Variants in HAPLN3 observed in about 807,000 individuals in gnomAD.
HAPLN3 encodes the protein extracellular link domain containing, 1.
HAPLN3 carries 28 observed loss-of-function variants against 28.1 expected under a neutral mutation model. That is an observed-to-expected ratio of 1.00 (90% confidence interval 0.74 to 1.37). The LOEUF (loss-of-function observed/expected upper bound fraction) is 1.37. HAPLN3 is among the 40% of genes most tolerant of loss of function. The probability of loss-of-function intolerance (pLI) is 0.00; values close to 1 mark genes in which losing one functional copy is unlikely to be tolerated. For synonymous variants in HAPLN3, 211 were observed against 213.1 expected, an observed-to-expected ratio of 0.99 and a Z score of 0.09; for missense variants, 513 against 504.6, an observed-to-expected ratio of 1.02 and a Z score of -0.16.
rs1462554626 is a variant in HAPLN3 at position 88,879,298 on chromosome 15, G to A, written c.494-29C>T. ...CAGGGGAAGGAAAGAGGAGCTTAGG[G>A]GGTGGCCAGGGGCCCAGCTGGCTGG... On this transcript the variant is annotated intron_variant, in intron 3 of 4. Coordinates refer to ENST00000359595, the MANE Select transcript of HAPLN3 (RefSeq NM_178232.4). The surrounding 1 kb of genome is among the most constrained non-coding windows in gnomAD (Gnocchi z 5.0). The A allele has an allele frequency of 6.2e-7, 1 of 1,603,544 alleles. No individual in the cohort carries two copies. Among genetic ancestry groups the A allele is most frequent in the African/African-American group, 1.3e-5 (1 of 75,016 alleles).
At position 88,877,961 on chromosome 15, in the gene HAPLN3, C is replaced by A. The variant is rs374453947; in HGVS notation, c.*9G>T. On this transcript the variant is annotated 3_prime_UTR_variant, in exon 5 of 5. Transcript: ENST00000359595. The surrounding 1 kb of genome is among the most constrained non-coding windows in gnomAD (Gnocchi z 5.1). Reference sequence around the variant, plus strand: ...AGTGAGGGAATGCGGCAGGGGAGGGCCCCAGGTCCTAGTGCTGGCGGTAGC... The same window carrying A: ...AGTGAGGGAATGCGGCAGGGGAGGGACCCAGGTCCTAGTGCTGGCGGTAGC... The A allele has an allele frequency of 3.2e-6, 5 of 1,583,742 alleles. No individual in the cohort carries two copies. In the African/African-American group the frequency reaches 5.4e-5, roughly 17 times the overall value.
intron 1 of HAPLN3, chr15:88,893,198 C>T: frequency 1.5e-6 from 1 of 675,332 alleles, no homozygotes; most frequent in Non-Finnish European, 2.7e-6. Flanking sequence ...GGGTGGATCA[C>T]CTGAGGTCAG....
chr15:88,878,261 G>C lies in HAPLN3; in HGVS notation c.797-5C>G. ...GCTCCAGGTAGTACACCCGCCCTGG[G>C]GGAAAGGGGGCGTGAGTGCCGTACA... On this transcript the variant is annotated splice_region_variant and splice_polypyrimidine_tract_variant and intron_variant, in intron 4 of 4. Coordinates refer to ENST00000359595, the MANE Select transcript of HAPLN3 (RefSeq NM_178232.4). 1 of 1,607,890 alleles carries C rather than the reference G, an allele frequency of 6.2e-7. No homozygotes were observed. The highest frequency in any genetic ancestry group is 8.5e-7 in the Non-Finnish European group (1 of 1,176,438).
At chr15:88,894,376 G>C (rs1898098719) in intron 1 of HAPLN3, among the ~76,000 whole-genome samples, 1 of 152,076 alleles carries the variant, frequency 6.6e-6, no homozygotes, top group East Asian at 1.9e-4. Context: ...AGGGAGGGTA[G>C]GTGCCACCTC....
In HAPLN3 at chr15:88,881,559, T is replaced by C; in HGVS notation, c.291A>G (p.Pro97=). The C allele has an allele frequency of 6.2e-7, 1 of 1,614,074 alleles. No individual in the cohort carries two copies. The highest frequency in any genetic ancestry group is 1.1e-5 in the South Asian group (1 of 91,084). ...CGATGGCCACCAGCACGTCCTTCTC[T>C]GGGGCCCCGTTCTCCGACAGCTTCC... The part of the protein sequence containing the change: ...KWWKLSENGA[P]EKDVLVAIGL... Residue 97 remains proline, a synonymous_variant, in exon 3 of 5, where the codon CCA becomes CCG. Coordinates refer to ENST00000359595, the MANE Select transcript of HAPLN3 (RefSeq NM_178232.4). The surrounding 1 kb of genome is among the most constrained non-coding windows in gnomAD (Gnocchi z 6.0).
rs374585914 is a variant in HAPLN3, at chr15:88,877,719, G to A, written c.*251C>T. The A allele has an allele frequency of 6.2e-3, 2,911 of 472,208 alleles. 144 individuals are homozygous for A. The South Asian group carries it at 0.078, about 13-fold the overall frequency. The allele number at this position is 472,208 out of a possible 1,614,324, so 29.3% of individuals were successfully genotyped here. ...GAGGGAGACCAGCCTGGATGGCGGG[G>A]AACCCTCCAGAAGCCCACAAAACCG... On this transcript the variant is annotated 3_prime_UTR_variant, in exon 5 of 5. Coordinates refer to ENST00000359595, the MANE Select transcript of HAPLN3 (RefSeq NM_178232.4). This position sits in a 1 kb window ranked among gnomAD's most constrained non-coding sequence, Gnocchi z 5.1.
chr15:88,880,201 C>T lies in HAPLN3; in HGVS notation c.494-932G>A. ...CTGGTTCCACCCCAAATTCCTAGCC[C>T]TTGAAGCCCCGGGAATGGGGTGAGG... On this transcript the variant is annotated intron_variant, in intron 3 of 4. Coordinates refer to ENST00000359595, the MANE Select transcript of HAPLN3 (RefSeq NM_178232.4). This position sits in a 1 kb window ranked among gnomAD's most constrained non-coding sequence, Gnocchi z 6.0. 1 of 995,534 alleles carries T rather than the reference C, an allele frequency of 1.0e-6. No individual in the cohort carries two copies. The highest frequency in any genetic ancestry group is 1.2e-6 in the Non-Finnish European group (1 of 836,582). 61.7% of individuals were successfully genotyped at this position (995,534 alleles called of 1,614,324 possible). A position where few individuals can be genotyped will look rare whatever the true frequency, so the allele number is the denominator to read the frequency against.
At chr15:88,892,091 ATCAGTAACACC>A (rs1898026939) in intron 1 of HAPLN3, among the ~76,000 whole-genome samples, 1 of 152,222 alleles carries the variant, frequency 6.6e-6, no homozygotes, top group African/African-American at 2.4e-5. Flanking sequence ...ACTAAGTGAC[ATCAGTAACACC>A]TCTTTGTTGG....
rs1336393540 is a variant in HAPLN3, at chr15:88,895,263, C to G, written c.-48+196G>C. Among the ~76,000 whole-genome samples the G allele has an allele frequency of 6.6e-6, 1 of 152,198 alleles. No homozygotes were observed. The highest frequency in any genetic ancestry group is 1.5e-5 in the Non-Finnish European group (1 of 68,040). ...GCATCCCCGCGCCGCTCCCTCCCCACTTGTGCCCCGGGCGCCCCTCGCCCG... is the reference window on the plus strand; with the variant it reads ...GCATCCCCGCGCCGCTCCCTCCCCAGTTGTGCCCCGGGCGCCCCTCGCCCG... On this transcript the variant is annotated intron_variant, in intron 1 of 4. Coordinates refer to ENST00000359595, the MANE Select transcript of HAPLN3 (RefSeq NM_178232.4). The surrounding 1 kb of genome is among the most constrained non-coding windows in gnomAD (Gnocchi z 5.5).
Position 88,879,230 on chromosome 15 carries a change from T to G in HAPLN3, c.533A>C (p.Gln178Pro). 1 of 1,610,442 alleles carries G rather than the reference T, an allele frequency of 6.2e-7. No individual in the cohort carries two copies. The highest frequency in any genetic ancestry group is 8.5e-7 in the Non-Finnish European group (1 of 1,177,898). Residue 178 changes from glutamine to proline, a missense_variant, in exon 4 of 5, where the codon CAG becomes CCG. Gln to Pro is a moderately conservative substitution (Grantham distance 76). Coordinates refer to ENST00000359595, the MANE Select transcript of HAPLN3 (RefSeq NM_178232.4). This position sits in a 1 kb window ranked among gnomAD's most constrained non-coding sequence, Gnocchi z 5.0. ...FPYQSPNGRY[Q>P]FNFHEGQQVC... Reference sequence around the variant, plus strand: ...CTGCTGGCCCTCGTGGAAGTTGAACTGGTAGCGCCCGTTGGGGGACTGGTA... The same window carrying G: ...CTGCTGGCCCTCGTGGAAGTTGAACGGGTAGCGCCCGTTGGGGGACTGGTA...
Position 88,878,071 on chromosome 15 carries a change from G to A in HAPLN3, c.982C>T (p.Pro328Ser). Residue 328 changes from proline to serine, a missense_variant, in exon 5 of 5, where the codon CCG becomes TCG. Physicochemically the swap from Pro to Ser is moderately conservative, Grantham distance 74. Transcript: ENST00000359595. ...TCTGGGGGCCCACAGTTAGGATGCG[G>A]GTGAACCACAGGGTAGCGGACGCTA... ...DGSVRYPVVH[P>S]HPNCGPPEPG... is the part of the protein sequence containing the mutation. 1 of 1,614,062 alleles carries A rather than the reference G, an allele frequency of 6.2e-7. No individual in the cohort carries two copies. The highest frequency in any genetic ancestry group is 8.5e-7 in the Non-Finnish European group (1 of 1,179,998).
chr15:88,884,723 G>T (rs1897798984), intron 2 of HAPLN3, among the ~76,000 whole-genome samples: 1 of 152,164 alleles, frequency 6.6e-6, no homozygotes, highest in Admixed American at 6.5e-5. Context: ...ATGTCGAGAT[G>T]GGGAGGGTAT....
chr15:88,883,663 G>A (rs1391610512), intron 2 of HAPLN3, among the ~76,000 whole-genome samples: 1 of 152,228 alleles, frequency 6.6e-6, no homozygotes, highest in Non-Finnish European at 1.5e-5. Flanking sequence ...TAATCTGGTA[G>A]ATGTACATTC....
rs772342574 is a variant in HAPLN3 at position 88,881,632 on chromosome 15, C to T, written c.218G>A (p.Arg73His). 14 of 1,613,850 alleles carry T rather than the reference C, an allele frequency of 8.7e-6. No homozygotes were observed. Among genetic ancestry groups the T allele is most frequent in the South Asian group, 2.2e-5 (2 of 91,074 alleles). The change falls in exon 3 of 5, where the codon CGC becomes CAC. Residue 73 changes from arginine to histidine, a missense_variant. Transcript: ENST00000359595. The surrounding 1 kb of genome is among the most constrained non-coding windows in gnomAD (Gnocchi z 6.0). ...GASVILPCRY[R>H]YEPALVSPRR... ...CGGGGAGACCAGGGCCGGCTCGTAG[C>T]GGTAGCGGCAGGGCAGGATCACACT...
At chr15:88,891,264 T>G (rs748686390) in intron 1 of HAPLN3, among the ~76,000 whole-genome samples, 2 of 151,776 alleles carry the variant, frequency 1.3e-5, no homozygotes, top group Non-Finnish European at 2.9e-5. Context: ...TATAAAAGTA[T>G]TAACAGCTGA....
rs879471981 is a variant in HAPLN3 at position 88,878,974 on chromosome 15, G to A, written c.789C>T (p.Ala263=). 2.0e-5 allele frequency: 32 copies of A among 1,608,790 alleles called. No individual in the cohort carries two copies. Among genetic ancestry groups the A allele is most frequent in the Non-Finnish European group, 2.7e-5 (32 of 1,178,332 alleles). ...CTTGGCTATTCCACTCACCCTTGAG[G>A]GCAGTAGCGAAGCAGAATACATCAT... ...HRYDVFCFAT[A]LKGRVYYLEH... The change falls in exon 4 of 5, where the codon GCC becomes GCT. Residue 263 remains alanine (A), a synonymous_variant. Transcript: ENST00000359595.
At chr15:88,883,017 A>G (rs916268422) in intron 2 of HAPLN3, among the ~76,000 whole-genome samples, 1 of 152,194 alleles carries the variant, frequency 6.6e-6, no homozygotes, top group Non-Finnish European at 1.5e-5. Flanking sequence ...AAAACAAAAT[A>G]AAAACAAATT....
Position 88,878,275 on chromosome 15 carries a change from G to A in HAPLN3, c.797-19C>T, listed in dbSNP as rs770553645. 1.9e-6 allele frequency: 3 copies of A among 1,601,794 alleles called. No individual in the cohort carries two copies. Among genetic ancestry groups the A allele is most frequent in the Admixed American group, 1.7e-5 (1 of 59,586 alleles). On this transcript the variant is annotated intron_variant, in intron 4 of 4. Coordinates refer to ENST00000359595, the MANE Select transcript of HAPLN3 (RefSeq NM_178232.4). ...ACCCGCCCTGGGGGAAAGGGGGCGTGAGTGCCGTACAGCGCAGGGGGCAGC... is the reference window on the plus strand; with the variant it reads ...ACCCGCCCTGGGGGAAAGGGGGCGTAAGTGCCGTACAGCGCAGGGGGCAGC...
At chr15:88,890,868 C>T (rs1897993252) in intron 1 of HAPLN3, among the ~76,000 whole-genome samples, 1 of 146,736 alleles carries the variant, frequency 6.8e-6, no homozygotes, top group East Asian at 2.0e-4. Flanking sequence ...ATATTTAAGC[C>T]ACCACTTTTT....
Sources: gnomAD v4.1 joint callset for allele counts (sites outside exome capture counted in the v4.1 genomes callset) on GRCh38, gnomAD v4.1.1 for gene constraint, Gnocchi (gnomAD v3.1) non-coding constraint, MANE v1.5 for transcripts, NCBI Gene and HGNC (gene_info 2026-07-23, HGNC 2026-07-21) for gene names.